Variants in SNTG1 observed in about 807,000 individuals in gnomAD.
The protein encoded by SNTG1 is syntrophin gamma 1, also known as gamma-1-syntrophin.
SNTG1 carries 39 observed loss-of-function variants against 74.7 expected under a neutral mutation model. The ratio of observed to expected loss-of-function variants is 0.52; its 90% CI spans 0.40 to 0.68. The LOEUF is 0.68. Ranked by LOEUF, SNTG1 falls within the 30% of genes least tolerant of loss-of-function variation. The probability of loss-of-function intolerance (pLI) is 0.00; values close to 1 mark genes in which losing one functional copy is unlikely to be tolerated. For synonymous variants in SNTG1, 254 were observed against 217.1 expected (o/e 1.17, Z -1.49); for missense variants, 685 against 609.5 (o/e 1.12, Z -1.30).
intron 8 of SNTG1, among the ~76,000 whole-genome samples, chr8:50,478,951 T>C (rs79027686): frequency 8.9e-4 from 136 of 152,306 alleles, no homozygotes; most frequent in Non-Finnish European, 1.5e-3. Flanking sequence ...CAAAAGGTAA[T>C]ATTTATTAAG....
chr8:50,705,980 G>A (rs568959613), intron 16 of SNTG1, among the ~76,000 whole-genome samples: 5 of 152,308 alleles, frequency 3.3e-5, no homozygotes, highest in African/African-American at 9.6e-5. Context: ...ATCTAGCATT[G>A]ACTATACTGG....
intron 18 of SNTG1, among the ~76,000 whole-genome samples, chr8:50,770,148 A>G (rs942713522): frequency 2.0e-5 from 3 of 152,124 alleles, no homozygotes; most frequent in Non-Finnish European, 4.4e-5. Flanking sequence ...GACCATAAAC[A>G]TTTTGCAAAT....
chr8:50,043,773 A>G (rs954916701), intron 1 of SNTG1, among the ~76,000 whole-genome samples: 3 of 152,192 alleles, frequency 2.0e-5, no homozygotes, highest in African/African-American at 7.2e-5. Flanking sequence ...AGATTACAAC[A>G]TAGGGAGATA....
intron 2 of SNTG1, among the ~76,000 whole-genome samples, chr8:50,285,261 T>C (rs1479033138): frequency 6.6e-6 from 1 of 152,138 alleles, no homozygotes; most frequent in East Asian, 1.9e-4. Context: ...TCTGCCCATA[T>C]CCACACACTG....
intron 8 of SNTG1, among the ~76,000 whole-genome samples, chr8:50,456,542 C>T (rs929728313): frequency 3.9e-5 from 6 of 152,044 alleles, no homozygotes; most frequent in Non-Finnish European, 7.3e-5. Flanking sequence ...GCTCACATGG[C>T]AGAAAAAATT....
intron 2 of SNTG1, among the ~76,000 whole-genome samples, chr8:50,223,295 T>C (rs1465228826): frequency 6.6e-6 from 1 of 151,994 alleles, no homozygotes; most frequent in Non-Finnish European, 1.5e-5. Flanking sequence ...AGAACAAAAA[T>C]ACTGGACTTT....
chr8:50,358,547 A>G (rs2091879280), intron 2 of SNTG1, among the ~76,000 whole-genome samples: 1 of 152,224 alleles, frequency 6.6e-6, no homozygotes, highest in Non-Finnish European at 1.5e-5. Flanking sequence ...TAAGTTTGCA[A>G]TGGTTTAGAC....
intron 2 of SNTG1, among the ~76,000 whole-genome samples, chr8:50,201,785 T>C (rs1046601161): frequency 2.0e-5 from 3 of 152,176 alleles, no homozygotes; most frequent in Non-Finnish European, 4.4e-5. Flanking sequence ...TATCCATTTG[T>C]ATCTATATTC....
chr8:49,958,076 G>A (rs903173762), intron 1 of SNTG1, among the ~76,000 whole-genome samples: 4 of 152,162 alleles, frequency 2.6e-5, no homozygotes, highest in Non-Finnish European at 5.9e-5. Flanking sequence ...ACTCTTCAGT[G>A]TTGGTAAGAG....
chr8:50,399,637 C>T (rs564350310), intron 3 of SNTG1, among the ~76,000 whole-genome samples: 4 of 152,266 alleles, frequency 2.6e-5, no homozygotes, highest in South Asian at 2.1e-4. Flanking sequence ...GAAATGTGCT[C>T]ATTTATGATC....
chr8:50,367,376 C>A (rs909875865), intron 2 of SNTG1, among the ~76,000 whole-genome samples: 1 of 151,798 alleles, frequency 6.6e-6, no homozygotes, highest in Non-Finnish European at 1.5e-5. Flanking sequence ...TTAGCTAACA[C>A]CAGATTAATT....
chr8:50,721,468 G>C (rs975987389), intron 17 of SNTG1, among the ~76,000 whole-genome samples: 63 of 152,252 alleles, frequency 4.1e-4, no homozygotes, highest in Non-Finnish European at 1.0e-4. Context: ...ATTATTATAA[G>C]AAGAAGTGAT....
intron 1 of SNTG1, among the ~76,000 whole-genome samples, chr8:49,971,151 C>T (rs1470506862): frequency 6.6e-6 from 1 of 152,134 alleles, no homozygotes; most frequent in African/African-American, 2.4e-5. Context: ...TCCAGCAGCA[C>T]ATCAAAAAGC....
chr8:50,435,006 T>C (rs56784337), intron 4 of SNTG1, among the ~76,000 whole-genome samples: 4,239 of 152,210 alleles, frequency 0.028, 186 homozygotes, highest in African/African-American at 0.096. Flanking sequence ...TTTGGTGTCA[T>C]GTATATTTTT....
chr8:50,328,630 C>A (rs1351189592), intron 2 of SNTG1, among the ~76,000 whole-genome samples: 1 of 152,130 alleles, frequency 6.6e-6, no homozygotes, highest in Non-Finnish European at 1.5e-5. Context: ...GAGAAACCAC[C>A]TCATGATCCA....
At chr8:50,277,356 G>A (rs1162163603) in intron 2 of SNTG1, among the ~76,000 whole-genome samples, 1 of 151,408 alleles carries the variant, frequency 6.6e-6, no homozygotes, top group Non-Finnish European at 1.5e-5. Flanking sequence ...TCTAATTATG[G>A]TTTAATATTC....
chr8:50,573,448 T>A (rs2094559973), intron 12 of SNTG1, among the ~76,000 whole-genome samples: 1 of 151,952 alleles, frequency 6.6e-6, no homozygotes. Flanking sequence ...TTTAACCACT[T>A]TAAGAGGTTA....
intron 2 of SNTG1, among the ~76,000 whole-genome samples, chr8:50,250,201 C>G (rs1331484158): frequency 6.6e-6 from 1 of 150,964 alleles, no homozygotes; most frequent in Admixed American, 6.6e-5. Context: ...TTTGACAACA[C>G]TAGATCAAGC....
chr8:50,657,310 A>G (rs558363234), intron 14 of SNTG1, among the ~76,000 whole-genome samples: 40 of 152,274 alleles, frequency 2.6e-4, no homozygotes, highest in African/African-American at 9.4e-4. Context: ...GACATGGGAA[A>G]GGAGATTTTA....
Sources: allele counts gnomAD v4.1 joint callset (sites outside exome capture counted in the v4.1 genomes callset), GRCh38; gene constraint gnomAD v4.1.1; transcripts MANE v1.5; gene names NCBI Gene and HGNC (gene_info 2026-07-23, HGNC 2026-07-21).